Variants in FAM221B observed in about 807,000 individuals in gnomAD.
The protein encoded by FAM221B is protein FAM221B.
FAM221B carries 35 observed loss-of-function variants against 39.8 expected under a neutral mutation model. That is an observed-to-expected ratio of 0.88 (90% CI 0.67 to 1.17). The LOEUF is 1.17. FAM221B is among the 50% of genes most tolerant of loss of function. The pLI, the probability that FAM221B is intolerant of heterozygous loss-of-function variation, is 0.00. For missense variants in FAM221B, 479 were observed against 503.1 expected, an observed-to-expected ratio of 0.95 and a Z score of 0.46; for synonymous variants, 158 against 178.1, an observed-to-expected ratio of 0.89 and a Z score of 0.90.
chr9:35,824,902 C>T (rs1015660462), intron 3 of FAM221B, among the ~76,000 whole-genome samples: 7 of 152,144 alleles, frequency 4.6e-5, no homozygotes, highest in Non-Finnish European at 8.8e-5. Context: ...AGGACAGTCT[C>T]GATCTCCTGA....
chr9:35,825,397 C>T lies in FAM221B; in HGVS notation c.599-24G>A. 1 of 1,613,494 alleles carries T rather than the reference C, an allele frequency of 6.2e-7. No individual in the cohort carries two copies. Among genetic ancestry groups the T allele is most frequent in the Non-Finnish European group, 8.5e-7 (1 of 1,179,900 alleles). On this transcript the variant is annotated intron_variant, in intron 2 of 6. Transcript: ENST00000423537. This position sits in a 1 kb window ranked among gnomAD's most constrained non-coding sequence, Gnocchi z 4.2. ...ACCTAGGATGGGAGAGGATGAGTAACCAGGGGGAAGTGAGAAGGCCCTAAA... is the reference window on the plus strand; with the variant it reads ...ACCTAGGATGGGAGAGGATGAGTAATCAGGGGGAAGTGAGAAGGCCCTAAA...
At chr9:35,824,961 G>A (rs560605595) in intron 3 of FAM221B, among the ~76,000 whole-genome samples, 155 of 152,244 alleles carry the variant, frequency 1.0e-3, no homozygotes, top group Non-Finnish European at 7.9e-4. Flanking sequence ...GATTACAGGC[G>A]TGAGCCACCG....
Position 35,825,822 on chromosome 9 carries a change from C to A in FAM221B, c.340G>T (p.Asp114Tyr). Reference sequence around the variant, plus strand: ...TCAGAAGAAGACAGACAGACATAGTCTCGTGATTGGGGAGGAAGAGTAAGG... The same window carrying A: ...TCAGAAGAAGACAGACAGACATAGTATCGTGATTGGGGAGGAAGAGTAAGG... ...KHLTLPPQSR[D>Y]YVCLSSSDTL... The change falls in exon 2 of 7, where the codon GAC becomes TAC. Residue 114 changes from aspartate to tyrosine, a missense_variant. Physicochemically the swap from Asp to Tyr is radical, Grantham distance 160. Transcript: ENST00000423537. The surrounding 1 kb of genome is among the most constrained non-coding windows in gnomAD (Gnocchi z 4.2). The A allele has an allele frequency of 6.2e-7, 1 of 1,614,070 alleles. No individual in the cohort carries two copies. Among genetic ancestry groups the A allele is most frequent in the Non-Finnish European group, 8.5e-7 (1 of 1,180,022 alleles).
intron 1 of FAM221B, 57 bp from the exon 2 acceptor site, chr9:35,826,218 C>G: frequency 7.4e-7 from 1 of 1,357,272 alleles, no homozygotes; most frequent in South Asian, 1.4e-5. Flanking sequence ...GCCGGCAAGT[C>G]AGGGCAGAGC....
rs1405943718 is a variant in FAM221B at position 35,819,236 on chromosome 9, C to G, written c.1012G>C (p.Glu338Gln). ...AQCRCKHSHE[E>Q]HAATGPHPCR... ...GGATGGGGCCCAGTGGCTGCATGTT[C>G]TTCGTGGCTGTGTTTGCAGCGACAT... Residue 338 changes from glutamate (E) to glutamine (Q), a missense_variant, in exon 5 of 7, where the codon GAA becomes CAA. Transcript: ENST00000423537. 6.4e-7 allele frequency: 1 copy of G among 1,551,740 alleles called. No homozygotes were observed. The highest frequency in any genetic ancestry group is 1.2e-5 in the South Asian group (1 of 84,068).
chr9:35,819,899 T>C lies in FAM221B; in HGVS notation c.844A>G (p.Ile282Val), dbSNP rs766891221. ...GTCAGTTCTCCCCTACCTGAGATGATCCGGTGCTCTCTCAACAAGTGTCCA... is the reference window on the plus strand; with the variant it reads ...GTCAGTTCTCCCCTACCTGAGATGACCCGGTGCTCTCTCAACAAGTGTCCA... ...FCGHLLREHR[I>V]ISDISVPCKV... is the part of the protein sequence containing the mutation. The change falls in exon 4 of 7, where the codon ATC (isoleucine) becomes GTC (valine). Residue 282 changes from isoleucine to valine, a missense_variant. Coordinates refer to ENST00000423537, the MANE Select transcript of FAM221B (RefSeq NM_001012446.4). The C allele has an allele frequency of 1.1e-4, 175 of 1,602,274 alleles. No individual in the cohort carries two copies. Among genetic ancestry groups the C allele is most frequent in the Middle Eastern group, 1.7e-4 (1 of 6,026 alleles).
At chr9:35,827,806 G>A (rs1335458971) in intron 1 of FAM221B, among the ~76,000 whole-genome samples, 1 of 152,142 alleles carries the variant, frequency 6.6e-6, no homozygotes, top group African/African-American at 2.4e-5. Context: ...CTCCTTAAAT[G>A]CATCAGAGCC....
At position 35,818,475 on chromosome 9, in the gene FAM221B, A is replaced by C. The variant is rs1468919064; in HGVS notation, c.1203T>G (p.Pro401=). Residue 401 remains proline, a synonymous_variant, in exon 7 of 7, where the codon CCT becomes CCG. Coordinates refer to ENST00000423537, the MANE Select transcript of FAM221B (RefSeq NM_001012446.4). ...GTDTVSNWHR[P]L is the part of the protein sequence containing the mutation. ...TTGCTGATCTGGGCCAGACTCACAAAGGCCTGTGCCAGTTGCTGACAGTGT... is the reference window on the plus strand; with the variant it reads ...TTGCTGATCTGGGCCAGACTCACAACGGCCTGTGCCAGTTGCTGACAGTGT... 1.9e-6 allele frequency: 3 copies of C among 1,551,642 alleles called. No homozygotes were observed. Among genetic ancestry groups the C allele is most frequent in the Non-Finnish European group, 2.6e-6 (3 of 1,147,012 alleles).
intron 1 of FAM221B, 47 bp from the exon 2 acceptor site, chr9:35,826,208 G>A (rs764024043): frequency 4.8e-6 from 7 of 1,461,702 alleles, no homozygotes; most frequent in Non-Finnish European, 6.5e-6. Context: ...GAAATAGAGG[G>A]CCGGCAAGTC....
intron 3 of FAM221B, among the ~76,000 whole-genome samples, chr9:35,824,274 A>AAGGGTAT (rs770046537): frequency 5.3e-5 from 8 of 152,338 alleles, no homozygotes; most frequent in African/African-American, 1.2e-4. Flanking sequence ...CCTCTTACTG[A>AAGGGTAT]AGGTAATCCC....
At chr9:35,827,669 T>G (rs1208528213) in intron 1 of FAM221B, among the ~76,000 whole-genome samples, 1 of 152,214 alleles carries the variant, frequency 6.6e-6, no homozygotes, top group East Asian at 1.9e-4. Flanking sequence ...TCTAAAGGAT[T>G]AAGTCCAAAT....
intron 1 of FAM221B, among the ~76,000 whole-genome samples, chr9:35,827,941 G>A (rs1380620542): frequency 6.6e-6 from 1 of 152,116 alleles, no homozygotes; most frequent in Non-Finnish European, 1.5e-5. Flanking sequence ...GGGAGGTGAG[G>A]AAGGGGAAAG....
intron 3 of FAM221B, among the ~76,000 whole-genome samples, chr9:35,824,370 C>T (rs900066522): frequency 3.3e-5 from 5 of 152,156 alleles, no homozygotes; most frequent in Non-Finnish European, 2.9e-5. Context: ...CGCAGCATGC[C>T]ACTAACAGGA....
intron 3 of FAM221B, 68 bp from the exon 4 acceptor site, chr9:35,820,068 C>A: frequency 8.7e-7 from 1 of 1,144,392 alleles, no homozygotes; most frequent in Admixed American, 1.8e-5. Flanking sequence ...TCTTACCTAT[C>A]CCTTGATGGA....
chr9:35,827,291 A>G (rs1383796606), intron 1 of FAM221B, among the ~76,000 whole-genome samples: 2 of 152,142 alleles, frequency 1.3e-5, no homozygotes, highest in African/African-American at 2.4e-5. Flanking sequence ...TCAAGTTCTC[A>G]TCATCTTCAG....
At chr9:35,821,191 G>A (rs1829142641) in intron 3 of FAM221B, among the ~76,000 whole-genome samples, 1 of 152,206 alleles carries the variant, frequency 6.6e-6, no homozygotes, top group East Asian at 1.9e-4. Flanking sequence ...GTTCTTCAAG[G>A]GAGCTGTCTT....
At chr9:35,821,800 C>G (rs2295799) in intron 3 of FAM221B, among the ~76,000 whole-genome samples, 55,467 of 152,138 alleles carry the variant, frequency 0.36, 11,735 homozygotes, top group Non-Finnish European at 0.47. Flanking sequence ...ACTTCAGATT[C>G]TGTTACAAGT....
chr9:35,822,755 A>G (rs1394227800), intron 3 of FAM221B, among the ~76,000 whole-genome samples: 2 of 151,998 alleles, frequency 1.3e-5, no homozygotes, highest in African/African-American at 2.4e-5. Context: ...AAGCCCATCT[A>G]CTTCTTTCCT....
chr9:35,820,420 G>T (rs1027826439), intron 3 of FAM221B, among the ~76,000 whole-genome samples: 2 of 152,214 alleles, frequency 1.3e-5, no homozygotes, highest in South Asian at 4.1e-4. Flanking sequence ...TGTCTAAGGT[G>T]AGGGAAAGGG....
Sources: gnomAD v4.1 joint callset for allele counts (sites outside exome capture counted in the v4.1 genomes callset) on GRCh38, gnomAD v4.1.1 for gene constraint, Gnocchi (gnomAD v3.1) non-coding constraint, MANE v1.5 for transcripts, NCBI Gene and HGNC (gene_info 2026-07-23, HGNC 2026-07-21) for gene names.